Variants in SDR9C7 observed in about 807,000 individuals in gnomAD.
SDR9C7 encodes short chain dehydrogenase/reductase family 9C member 7, also known as short-chain dehydrogenase/reductase family 9C member 7.
In SDR9C7, 11 loss-of-function variants were observed where a neutral mutation model predicts 23.6. The observed-to-expected ratio is 0.47, with a 90% CI of 0.29 to 0.77. SDR9C7 has a LOEUF of 0.77. SDR9C7 is among the 30% of genes least tolerant of loss of function. The probability of loss-of-function intolerance (pLI) is 0.09; values close to 1 mark genes in which losing one functional copy is unlikely to be tolerated. For missense variants in SDR9C7, 387 were observed against 407.1 expected (o/e 0.95, Z 0.42); for synonymous variants, 167 against 157.3 (o/e 1.06, Z -0.46).
chr12:56,929,410 C>T lies in SDR9C7; in HGVS notation c.704G>A (p.Gly235Glu), dbSNP rs756591404. ...CTTACAGATGCGGAAATAATCCTCT[C>T]CGTAGCTGTCCCGGGTCTCCTGAGG... The part of the protein sequence containing the change: ...RLPQETRDSY[G>E]EDYFRIYTDK... The change falls in exon 3 of 4, where the codon GGA becomes GAA. Residue 235 changes from glycine (G) to glutamate (E), a missense_variant. Gly to Glu is a moderately conservative substitution (Grantham distance 98). Transcript: ENST00000293502. The T allele has an allele frequency of 6.2e-7, 1 of 1,610,614 alleles. No homozygotes were observed. Among genetic ancestry groups the T allele is most frequent in the South Asian group, 1.1e-5 (1 of 91,024 alleles).
At position 56,934,022 on chromosome 12, in the gene SDR9C7, G is replaced by A. The variant is rs764268521; in HGVS notation, c.240C>T (p.Val80=). The part of the protein sequence containing the change: ...SYRLQTTLLD[V]TKSESIKAAA... ...CCGCCTTGATGCTTTCGCTCTTGGT[G>A]ACATCCAGTAGGGTGGTCTGCAGCC... is the stretch of plus-strand genomic sequence containing the variant. The change falls in exon 1 of 4, where the codon GTC becomes GTT. Residue 80 remains valine (V), a synonymous_variant. Coordinates refer to ENST00000293502, the MANE Select transcript of SDR9C7 (RefSeq NM_148897.3). 2 of 1,614,110 alleles carry A rather than the reference G, an allele frequency of 1.2e-6. No individual in the cohort carries two copies. Among genetic ancestry groups the A allele is most frequent in the Admixed American group, 1.7e-5 (1 of 60,028 alleles).
intron 3 of SDR9C7, among the ~76,000 whole-genome samples, chr12:56,928,647 TAA>T (rs1955749038): frequency 6.6e-6 from 1 of 152,090 alleles, no homozygotes; most frequent in Admixed American, 6.5e-5. Flanking sequence ...AAAAATGCAA[TAA>T]AGTGTGTATG....
intron 2 of SDR9C7, 66 bp downstream of exon 2, chr12:56,930,160 C>T (rs1565613652): frequency 6.4e-7 from 1 of 1,564,508 alleles, no homozygotes; most frequent in Non-Finnish European, 8.7e-7. Flanking sequence ...CACATGCTGT[C>T]ACTCCCAACC....
Position 56,923,629 on chromosome 12 carries a change from T to C in SDR9C7, c.*204A>G. On this transcript the variant is annotated 3_prime_UTR_variant, in exon 4 of 4. Transcript: ENST00000293502. ...CTGAACCTGCAAAGACCACCTCAGGTTTCTGTGGGGTCCCAGAGGGTGGGA... is the reference window on the plus strand; with the variant it reads ...CTGAACCTGCAAAGACCACCTCAGGCTTCTGTGGGGTCCCAGAGGGTGGGA... 1 of 479,688 alleles carries C rather than the reference T, an allele frequency of 2.1e-6. No individual in the cohort carries two copies. Among genetic ancestry groups the C allele is most frequent in the Non-Finnish European group, 3.7e-6 (1 of 272,502 alleles). The allele number at this position is 479,688 out of a possible 1,614,324, so 29.7% of individuals were successfully genotyped here. A position where few individuals can be genotyped will look rare whatever the true frequency, so the allele number is the denominator to read the frequency against.
chr12:56,928,086 G>A (rs1171483049), intron 3 of SDR9C7, among the ~76,000 whole-genome samples: 1 of 151,970 alleles, frequency 6.6e-6, no homozygotes, highest in African/African-American at 2.4e-5. Flanking sequence ...AATGAATGAA[G>A]ACACCTCCAT....
Position 56,934,061 on chromosome 12 carries a change from C to T in SDR9C7, c.201G>A (p.Arg67=). 1 of 1,614,206 alleles carries T rather than the reference C, an allele frequency of 6.2e-7. No homozygotes were observed. Among genetic ancestry groups the T allele is most frequent in the Non-Finnish European group, 8.5e-7 (1 of 1,180,046 alleles). ...FTEEGSQKLQ[R]DTSYRLQTTL... ...TGGTCTGCAGCCGATAGGAGGTATC[C>T]CGCTGAAGTTTCTGGGATCCCTCCT... Residue 67 remains arginine (R), a synonymous_variant, in exon 1 of 4, where the codon CGG becomes CGA. Coordinates refer to ENST00000293502, the MANE Select transcript of SDR9C7 (RefSeq NM_148897.3).
At chr12:56,926,848 C>T (rs1394064786) in intron 3 of SDR9C7, among the ~76,000 whole-genome samples, 1 of 152,212 alleles carries the variant, frequency 6.6e-6, no homozygotes, top group Non-Finnish European at 1.5e-5. Context: ...TCCTTCAAAA[C>T]TCACTAAGGC....
Position 56,923,683 on chromosome 12 carries a change from C to G in SDR9C7, c.*150G>C. On this transcript the variant is annotated 3_prime_UTR_variant, in exon 4 of 4. Transcript: ENST00000293502. ...GGCATTCACCTTCTGTTAGAAGTTACTGGTAAATTCGACAGCAGTGGGTGT... is the reference window on the plus strand; with the variant it reads ...GGCATTCACCTTCTGTTAGAAGTTAGTGGTAAATTCGACAGCAGTGGGTGT... The G allele has an allele frequency of 1.6e-6, 1 of 623,132 alleles. No homozygotes were observed. Among genetic ancestry groups the G allele is most frequent in the Non-Finnish European group, 2.8e-6 (1 of 361,776 alleles). The allele number at this position is 623,132 out of a possible 1,614,324, so 38.6% of individuals were successfully genotyped here. A position where few individuals can be genotyped will look rare whatever the true frequency, so the allele number is the denominator to read the frequency against.
intron 3 of SDR9C7, among the ~76,000 whole-genome samples, chr12:56,928,833 AAG>A (rs901177290): frequency 1.4e-4 from 21 of 152,268 alleles, no homozygotes; most frequent in African/African-American, 4.6e-4. Flanking sequence ...CAGGGAAAGA[AAG>A]AGAGTTGCCT....
At position 56,934,353 on chromosome 12, in the gene SDR9C7, G is replaced by C; in HGVS notation, c.-92C>G. Reference sequence around the variant, plus strand: ...TCTGAGCCCTAGCAGGCAGTCTGCAGGAAACCACCTGGAAGAAGAACTCTC... The same window carrying C: ...TCTGAGCCCTAGCAGGCAGTCTGCACGAAACCACCTGGAAGAAGAACTCTC... On this transcript the variant is annotated 5_prime_UTR_variant, in exon 1 of 4. Coordinates refer to ENST00000293502, the MANE Select transcript of SDR9C7 (RefSeq NM_148897.3). 2 of 1,101,274 alleles carry C rather than the reference G, an allele frequency of 1.8e-6. No individual in the cohort carries two copies. Among genetic ancestry groups the C allele is most frequent in the Non-Finnish European group, 2.6e-6 (2 of 764,632 alleles). The allele number at this position is 1,101,274 out of a possible 1,614,324, so 68.2% of individuals were successfully genotyped here.
At position 56,932,933 on chromosome 12, in the gene SDR9C7, C is replaced by T. The variant is rs1029534005; in HGVS notation, c.301+1028G>A. On this transcript the variant is annotated intron_variant, in intron 1 of 3. Transcript: ENST00000293502. ...TCCAGGGCTCTGTTGCCCTGACCTGCGCATGGGCTCCAGACTAGTTCCTTT... is the reference window on the plus strand; with the variant it reads ...TCCAGGGCTCTGTTGCCCTGACCTGTGCATGGGCTCCAGACTAGTTCCTTT... 5.3e-5 allele frequency among the ~76,000 whole-genome samples: 8 copies of T among 152,324 alleles called. No homozygotes were observed. The South Asian group carries it at 1.2e-3, about 24-fold the overall frequency.
At position 56,923,978 on chromosome 12, in the gene SDR9C7, T is replaced by A; in HGVS notation, c.797A>T (p.His266Leu). The A allele has an allele frequency of 6.2e-7, 1 of 1,614,154 alleles. No homozygotes were observed. Among genetic ancestry groups the A allele is most frequent in the Non-Finnish European group, 8.5e-7 (1 of 1,179,996 alleles). The change falls in exon 4 of 4, where the codon CAT becomes CTT. Residue 266 changes from histidine (H) to leucine (L), a missense_variant. His to Leu is a moderately conservative substitution (Grantham distance 99). Transcript: ENST00000293502. ...GCGAGGGCTCCGGGAAACAATAGCA[T>A]GCTCCATGCTGTTGATGACATCTCT... is the stretch of plus-strand genomic sequence containing the variant. ...RVRDVINSMEHAIVSRSPRIR... is the reference protein window; with the variant it reads ...RVRDVINSMELAIVSRSPRIR...
At position 56,923,989 on chromosome 12, in the gene SDR9C7, G is replaced by T; in HGVS notation, c.786C>A (p.Asn262Lys). 1 of 1,613,906 alleles carries T rather than the reference G, an allele frequency of 6.2e-7. No individual in the cohort carries two copies. The highest frequency in any genetic ancestry group is 8.5e-7 in the Non-Finnish European group (1 of 1,179,772). ...VAEPRVRDVI[N>K]SMEHAIVSRS... is the part of the protein sequence containing the mutation. Reference sequence around the variant, plus strand: ...GGGAAACAATAGCATGCTCCATGCTGTTGATGACATCTCTGACTCTGGGCT... The same window carrying T: ...GGGAAACAATAGCATGCTCCATGCTTTTGATGACATCTCTGACTCTGGGCT... Residue 262 changes from asparagine to lysine, a missense_variant, in exon 4 of 4, where the codon AAC becomes AAA. Transcript: ENST00000293502.
chr12:56,925,047 C>A (rs1565612614), intron 3 of SDR9C7, among the ~76,000 whole-genome samples: 2 of 151,778 alleles, frequency 1.3e-5, no homozygotes, highest in South Asian at 4.2e-4. Context: ...TCCTAGAGTT[C>A]CCACATTTAA....
Position 56,925,102 on chromosome 12 carries a change from G to T in SDR9C7, c.725-1052C>A, listed in dbSNP as rs1018018339. Among the ~76,000 whole-genome samples the T allele has an allele frequency of 1.1e-4, 16 of 151,684 alleles. 1 individual carries two copies. The highest frequency in any genetic ancestry group is 3.6e-4 in the African/African-American group (15 of 41,240). On this transcript the variant is annotated intron_variant, in intron 3 of 3. Coordinates refer to ENST00000293502, the MANE Select transcript of SDR9C7 (RefSeq NM_148897.3). ...AATATTATTTAAAAATAGTAATACT[G>T]CCCCTACCTCAGTCATAAGGCCACT...
At chr12:56,925,883 G>A (rs960220687) in intron 3 of SDR9C7, among the ~76,000 whole-genome samples, 2 of 152,202 alleles carry the variant, frequency 1.3e-5, no homozygotes, top group African/African-American at 4.8e-5. Flanking sequence ...GTTCTGAGAG[G>A]TGGGGAGGGC....
At chr12:56,929,268 T>C (rs1349300689) in intron 3 of SDR9C7, 122 bp downstream of exon 3, 1 of 934,712 alleles carries the variant, frequency 1.1e-6, no homozygotes, top group East Asian at 2.5e-5. Context: ...TGTGCCACTA[T>C]GTGACCTTGG....
rs1365501222 is a variant in SDR9C7, at chr12:56,934,313, G to A, written c.-52C>T. 6.7e-7 allele frequency: 1 copy of A among 1,501,870 alleles called. No individual in the cohort carries two copies. The highest frequency in any genetic ancestry group is 2.3e-5 in the East Asian group (1 of 44,112). The allele number at this position is 1,501,870 out of a possible 1,614,324, so 93.0% of individuals were successfully genotyped here. A position where few individuals can be genotyped will look rare whatever the true frequency, so the allele number is the denominator to read the frequency against. The stretch of plus-strand genomic sequence containing the variant: ...AGGGACTGGGCTCAGGAGACAGCAG[G>A]GAAGAAGCTGGTCCTCTGAGCCCTA... On this transcript the variant is annotated 5_prime_UTR_variant, in exon 1 of 4. Transcript: ENST00000293502.
Position 56,925,128 on chromosome 12 carries a change from G to A in SDR9C7, c.725-1078C>T, listed in dbSNP as rs76929324. Among the ~76,000 whole-genome samples the A allele has an allele frequency of 4.5e-3, 677 of 152,126 alleles. 6 individuals carry two copies. The highest frequency in any genetic ancestry group is 0.016 in the African/African-American group (649 of 41,484). On this transcript the variant is annotated intron_variant, in intron 3 of 3. Transcript: ENST00000293502. The stretch of plus-strand genomic sequence containing the variant: ...CCCCTACCTCAGTCATAAGGCCACT[G>A]TCACTCAAATAATCTAAGGCATAGA...
Sources: gnomAD v4.1 joint callset for allele counts (sites outside exome capture counted in the v4.1 genomes callset) on GRCh38, gnomAD v4.1.1 for gene constraint, MANE v1.5 for transcripts, NCBI Gene and HGNC (gene_info 2026-07-23, HGNC 2026-07-21) for gene names.